Variants in CPAMD8 observed in about 807,000 individuals in gnomAD.
The protein encoded by CPAMD8 is C3 and PZP-like alpha-2-macroglobulin domain-containing protein 8.
Under a neutral mutation model 224.7 loss-of-function variants are expected in CPAMD8, and 146 were observed. That is an observed-to-expected ratio of 0.65 (90% confidence interval 0.57 to 0.75). The LOEUF (loss-of-function observed/expected upper bound fraction) is 0.75. Among genes scored for constraint, CPAMD8 ranks in the 30% least tolerant of loss-of-function variants. The pLI is 0.00. For synonymous variants in CPAMD8, 966 were observed against 1,044.6 expected (o/e 0.92, Z 1.45); for missense variants, 2,301 against 2,537.5 (o/e 0.91, Z 2.00).
rs77349780 is a variant in CPAMD8 at position 16,976,468 on chromosome 19, C to T, written c.1759-317G>A. 8.4e-3 allele frequency among the ~76,000 whole-genome samples: 1,279 copies of T among 152,032 alleles called. 41 individuals are homozygous for T. Among genetic ancestry groups the T allele is most frequent in the African/African-American group, 0.03 (1,235 of 41,346 alleles). On this transcript the variant is annotated intron_variant, in intron 15 of 41. Coordinates refer to ENST00000443236, the MANE Select transcript of CPAMD8 (RefSeq NM_015692.5). ...CCCAGCCAGGGCAACAAGAATGAAA[C>T]TCCATTTCAAACAATGAAAAAAAGA...
At position 16,952,164 on chromosome 19, in the gene CPAMD8, G is replaced by A; in HGVS notation, c.2313C>T (p.Val771=). ...PSGEGTLSVK[V]PDSITSWVGE... is the part of the protein sequence containing the mutation. ...CCACCCAGCTGGTGATGGAGTCCGGGACCTTCACACTGAGTGTCCCCTCAC... is the reference window on the plus strand; with the variant it reads ...CCACCCAGCTGGTGATGGAGTCCGGAACCTTCACACTGAGTGTCCCCTCAC... Residue 771 remains valine, a synonymous_variant, in exon 20 of 42, where the codon GTC becomes GTT. Coordinates refer to ENST00000443236, the MANE Select transcript of CPAMD8 (RefSeq NM_015692.5). The A allele has an allele frequency of 6.5e-7, 1 of 1,549,650 alleles. No individual in the cohort carries two copies. Among genetic ancestry groups the A allele is most frequent in the Non-Finnish European group, 8.7e-7 (1 of 1,145,556 alleles).
rs747843485 is a variant in CPAMD8, at chr19:16,946,492, CAT to C, written c.2662+580_2662+581del. Among the ~76,000 whole-genome samples, 9 of 136,598 alleles carry C rather than the reference CAT, an allele frequency of 6.6e-5. No homozygotes were observed. The East Asian group carries it at 8.8e-4, about 13-fold the overall frequency. The allele number at this position is 136,598 out of a possible 152,430, so 89.6% of individuals were successfully genotyped here. ...GGATCTGTGTGTATGCATGTCTACA[CAT>C]GTGGGCATGTGTGTGTGGATTTGTG... On this transcript the variant is annotated intron_variant, in intron 21 of 41. Coordinates refer to ENST00000443236, the MANE Select transcript of CPAMD8 (RefSeq NM_015692.5).
intron 13 of CPAMD8, among the ~76,000 whole-genome samples, chr19:16,983,854 G>A (rs535588843): frequency 1.3e-5 from 2 of 152,244 alleles, no homozygotes; most frequent in East Asian, 3.9e-4. Flanking sequence ...TTGCAGAAAT[G>A]GAACTGATCT....
At chr19:16,942,693 C>T (rs1045755375) in intron 22 of CPAMD8, among the ~76,000 whole-genome samples, 4 of 152,152 alleles carry the variant, frequency 2.6e-5, no homozygotes, top group Non-Finnish European at 4.4e-5. Flanking sequence ...CAATGATGCC[C>T]ATCTCTTCCA....
Position 16,989,506 on chromosome 19 carries a change from C to T in CPAMD8, c.1395+137G>A, listed in dbSNP as rs546792097. 1.3e-4 allele frequency: 137 copies of T among 1,084,072 alleles called. 2 individuals carry two copies. In the African/African-American group the frequency reaches 1.9e-3, roughly 15 times the overall value. The allele number at this position is 1,084,072 out of a possible 1,614,324, so 67.2% of individuals were successfully genotyped here. Reference sequence around the variant, plus strand: ...TTCACCATGCTGGCCAGGCTGGTCTCGAAATCCTAACCTCCAGTGATCCGC... The same window carrying T: ...TTCACCATGCTGGCCAGGCTGGTCTTGAAATCCTAACCTCCAGTGATCCGC... On this transcript the variant is annotated intron_variant, in intron 13 of 41. Transcript: ENST00000443236.
chr19:16,938,870 G>A (rs1322258093), intron 22 of CPAMD8, among the ~76,000 whole-genome samples: 1 of 152,188 alleles, frequency 6.6e-6, no homozygotes, highest in Non-Finnish European at 1.5e-5. Flanking sequence ...TGCCAAGGAC[G>A]AGTCTCCGTC....
intron 13 of CPAMD8, among the ~76,000 whole-genome samples, chr19:16,988,655 T>A (rs574521826): frequency 3.3e-5 from 5 of 151,436 alleles, no homozygotes; most frequent in Admixed American, 1.3e-4. Context: ...CAAATAGTAA[T>A]GCATGCATGC....
chr19:16,916,991 C>T (rs971961657), intron 27 of CPAMD8, among the ~76,000 whole-genome samples: 2 of 152,126 alleles, frequency 1.3e-5, no homozygotes, highest in African/African-American at 2.4e-5. Context: ...CAGAACCAAG[C>T]CAGCTGTGTG....
Position 16,906,387 on chromosome 19 carries a change from T to C in CPAMD8, c.4027+565A>G, listed in dbSNP as rs868855755. On this transcript the variant is annotated intron_variant, in intron 30 of 41. Transcript: ENST00000443236. ...CTTTCTTTCTTTCTTTCTTTCTTTC[T>C]TTCTTTCTTTCTTTCTTTCTTTCCT... Among the ~76,000 whole-genome samples the C allele has an allele frequency of 2.4e-3, 188 of 78,210 alleles. 4 individuals carry two copies. The highest frequency in any genetic ancestry group is 0.011 in the South Asian group (21 of 1,846). 51.3% of individuals were successfully genotyped at this position (78,210 alleles called of 152,430 possible).
chr19:16,954,793 G>C (rs967727870), intron 19 of CPAMD8, among the ~76,000 whole-genome samples: 3 of 152,016 alleles, frequency 2.0e-5, no homozygotes, highest in African/African-American at 7.2e-5. Flanking sequence ...GATCATCCTG[G>C]TCAACATGGT....
At position 16,940,962 on chromosome 19, in the gene CPAMD8, G is replaced by A. The variant is rs562780206; in HGVS notation, c.2794-2516C>T. On this transcript the variant is annotated intron_variant, in intron 22 of 41. Transcript: ENST00000443236. ...TTTTTTGTTTTTGAGATGGAATCTC[G>A]CTCTGTCGCCCAGGCTGGAGTCCAG... Among the ~76,000 whole-genome samples the A allele has an allele frequency of 1.6e-4, 25 of 152,246 alleles. 1 individual carries two copies. The South Asian group carries it at 5.0e-3, about 30-fold the overall frequency.
At chr19:16,906,403 TTTCTTTCCTTCC>T (rs1466703100) in intron 30 of CPAMD8, among the ~76,000 whole-genome samples, 95 of 79,770 alleles carry the variant, frequency 1.2e-3, no homozygotes, top group Non-Finnish European at 1.8e-3. Context: ...TCTTTCTTTC[TTTCTTTCCTTCC>T]TTCCTTCCTT....
intron 21 of CPAMD8, among the ~76,000 whole-genome samples, chr19:16,946,732 CAT>C (rs1425448737): frequency 6.8e-6 from 1 of 146,724 alleles, no homozygotes; most frequent in Non-Finnish European, 1.5e-5. Context: ...CATGTCTACA[CAT>C]GTGGACGTGT....
At chr19:16,947,888 C>T (rs2054158624) in intron 20 of CPAMD8, among the ~76,000 whole-genome samples, 1 of 152,138 alleles carries the variant, frequency 6.6e-6, no homozygotes, top group Non-Finnish European at 1.5e-5. Context: ...TATATGGGTA[C>T]AGAGGTGCTA....
intron 3 of CPAMD8, among the ~76,000 whole-genome samples, chr19:17,015,139 G>A (rs990736722): frequency 1.3e-5 from 2 of 152,224 alleles, no homozygotes; most frequent in African/African-American, 4.8e-5. Flanking sequence ...CGACTCAGGA[G>A]GCTGAGGCAG....
chr19:17,018,036 A>G (rs1409637869), intron 3 of CPAMD8, among the ~76,000 whole-genome samples: 1 of 152,018 alleles, frequency 6.6e-6, no homozygotes, highest in East Asian at 1.9e-4. Context: ...GCTTAAAAAA[A>G]AAAAAAAAAA....
chr19:16,948,006 CT>C (rs1398414780), intron 20 of CPAMD8, among the ~76,000 whole-genome samples: 33 of 152,174 alleles, frequency 2.2e-4, no homozygotes, highest in African/African-American at 7.5e-4. Context: ...ACCATGATGA[CT>C]TGTGTGGGTG....
intron 11 of CPAMD8, among the ~76,000 whole-genome samples, chr19:16,994,481 G>A (rs2056060519): frequency 6.7e-6 from 1 of 150,352 alleles, no homozygotes; most frequent in Admixed American, 6.6e-5. Flanking sequence ...GAGTGAACCA[G>A]GATTCAGCCC....
chr19:16,993,533 A>G lies in CPAMD8; in HGVS notation c.1149T>C (p.Ile383=). The G allele has an allele frequency of 6.2e-7, 1 of 1,614,138 alleles. No individual in the cohort carries two copies. Among genetic ancestry groups the G allele is most frequent in the Non-Finnish European group, 8.5e-7 (1 of 1,180,022 alleles). Reference sequence around the variant, plus strand: ...TATCCTTTGGTGTCAGCTCTGCCTTAATCTGGACCGTCACCCCCTCAGCTG... The same window carrying G: ...TATCCTTTGGTGTCAGCTCTGCCTTGATCTGGACCGTCACCCCCTCAGCTG... ...GSPAEGVTVQ[I]KAELTPKDNI... Residue 383 remains isoleucine, a synonymous_variant, in exon 12 of 42, where the codon ATT becomes ATC. Transcript: ENST00000443236.
Sources: gnomAD v4.1 joint callset for allele counts (sites outside exome capture counted in the v4.1 genomes callset) on GRCh38, gnomAD v4.1.1 for gene constraint, MANE v1.5 for transcripts, NCBI Gene and HGNC (gene_info 2026-07-23, HGNC 2026-07-21) for gene names.